EYS: variants seen among roughly 807,000 people sequenced by gnomAD.
EYS encodes the protein EGF-like photoreceptor maintenance factor.
EYS carries 250 observed loss-of-function variants against 282.1 expected under a neutral mutation model. The ratio of observed to expected loss-of-function variants is 0.89; its 90% CI spans 0.80 to 0.98. The LOEUF is 0.98. Among genes scored for constraint, EYS ranks in the 50% least tolerant of loss-of-function variants. The pLI, the probability that EYS is intolerant of heterozygous loss-of-function variation, is 0.00. For synonymous variants in EYS, 1,355 were observed against 1,282.9 expected (o/e 1.06, Z -1.20); for missense variants, 4,016 against 3,709.0 (o/e 1.08, Z -2.15).
At chr6:64,804,881 TA>T (rs1662282101) in intron 22 of EYS, among the ~76,000 whole-genome samples, 1 of 149,278 alleles carries the variant, frequency 6.7e-6, no homozygotes, top group African/African-American at 2.4e-5. Flanking sequence ...TATTAAAATG[TA>T]TCACATACAT....
chr6:63,859,086 T>TG (rs1234924374), intron 36 of EYS, among the ~76,000 whole-genome samples: 1 of 50,568 alleles, frequency 2.0e-5, no homozygotes, highest in Non-Finnish European at 4.9e-5. Context: ...TTTTTTTTTT[T>TG]TTTTTTTTTT....
chr6:65,044,735 G>C (rs543611932), intron 13 of EYS, among the ~76,000 whole-genome samples: 2 of 151,880 alleles, frequency 1.3e-5, no homozygotes, highest in South Asian at 2.1e-4. Flanking sequence ...TGCTTCCACT[G>C]GGGAAAATTG....
intron 28 of EYS, among the ~76,000 whole-genome samples, chr6:64,392,540 A>C (rs1398518964): frequency 6.6e-6 from 1 of 151,822 alleles, no homozygotes; most frequent in African/African-American, 2.4e-5. Context: ...GGGTACATAA[A>C]GAAATGAAGG....
intron 36 of EYS, among the ~76,000 whole-genome samples, chr6:63,832,963 A>G (rs1771688549): frequency 6.6e-6 from 1 of 152,128 alleles, no homozygotes; most frequent in Non-Finnish European, 1.5e-5. Context: ...CAAAGACAAA[A>G]ACCACATGAC....
chr6:65,696,455 T>C (rs1437667522), intron 1 of EYS, among the ~76,000 whole-genome samples: 1 of 152,010 alleles, frequency 6.6e-6, no homozygotes, highest in African/African-American at 2.4e-5. Flanking sequence ...AGTAAACTAT[T>C]TGTACATTTA....
intron 12 of EYS, among the ~76,000 whole-genome samples, chr6:65,072,213 G>A (rs896079165): frequency 2.6e-5 from 4 of 151,740 alleles, no homozygotes; most frequent in African/African-American, 7.3e-5. Flanking sequence ...GCTACATATT[G>A]GGGAGAAATT....
chr6:63,872,477 G>GT (rs3041455), intron 35 of EYS, among the ~76,000 whole-genome samples: 57,320 of 118,552 alleles, frequency 0.48, 16,147 homozygotes, highest in Non-Finnish European at 0.6. Flanking sequence ...CCTAAATATG[G>GT]TTTTTTTTTT....
chr6:64,097,657 T>G (rs1007871476), intron 31 of EYS, among the ~76,000 whole-genome samples: 3 of 152,144 alleles, frequency 2.0e-5, no homozygotes, highest in Admixed American at 6.5e-5. Context: ...CTGTCACCCC[T>G]TTCTTTGACT....
Position 64,997,598 on chromosome 6 carries a change from C to A in EYS, c.2243G>T (p.Cys748Phe). The A allele has an allele frequency of 6.4e-7, 1 of 1,551,030 alleles. No individual in the cohort carries two copies. Among genetic ancestry groups the A allele is most frequent in the Non-Finnish European group, 8.7e-7 (1 of 1,146,430 alleles). ...GATACTAACGAGATGCAGGTCTTTG[C>A]AGGTAGAATTGTGCTCACAGGCATT... is the stretch of plus-strand genomic sequence containing the variant. Reference protein sequence around the residue: ...ILNACEHNSTCKDLHLSYQCV... With the variant: ...ILNACEHNSTFKDLHLSYQCV... The change falls in exon 14 of 43, where the codon TGC (cysteine) becomes TTC (phenylalanine). Residue 748 changes from cysteine to phenylalanine, a missense_variant. Cys to Phe is a radical substitution (Grantham distance 205). Coordinates refer to ENST00000503581, the MANE Select transcript of EYS (RefSeq NM_001142800.2).
chr6:65,593,396 C>T (rs914303065), intron 2 of EYS, among the ~76,000 whole-genome samples: 5 of 152,092 alleles, frequency 3.3e-5, no homozygotes, highest in Non-Finnish European at 7.4e-5. Flanking sequence ...ATACTTCGGG[C>T]GAAACTGGTG....
intron 31 of EYS, among the ~76,000 whole-genome samples, chr6:64,196,660 C>T (rs895697581): frequency 7.3e-5 from 11 of 150,054 alleles, no homozygotes; most frequent in African/African-American, 2.0e-4. Flanking sequence ...AACCAAACAC[C>T]GCATGTTCTC....
rs538021110 is a variant in EYS, at chr6:65,106,336, T to C, written c.2024-48609A>G. Reference sequence around the variant, plus strand: ...TTTTCTTTACTTGTAACTGAGGCTATTTTAATTTCATGTAATGTGACATTA... The same window carrying C: ...TTTTCTTTACTTGTAACTGAGGCTACTTTAATTTCATGTAATGTGACATTA... On this transcript the variant is annotated intron_variant, in intron 12 of 42. Coordinates refer to ENST00000503581, the MANE Select transcript of EYS (RefSeq NM_001142800.2). Among the ~76,000 whole-genome samples, 18 of 152,050 alleles carry C rather than the reference T, an allele frequency of 1.2e-4. 1 individual carries two copies. Among genetic ancestry groups the C allele is most frequent in the Non-Finnish European group, 2.1e-4 (14 of 67,990 alleles).
At chr6:64,542,848 T>C (rs1285216120) in intron 26 of EYS, among the ~76,000 whole-genome samples, 2 of 152,148 alleles carry the variant, frequency 1.3e-5, no homozygotes, top group Non-Finnish European at 2.9e-5. Flanking sequence ...AGAGTGCTTC[T>C]ACTGTCACAT....
chr6:64,332,655 A>G (rs893946403), intron 29 of EYS, among the ~76,000 whole-genome samples: 2 of 152,146 alleles, frequency 1.3e-5, no homozygotes, highest in Non-Finnish European at 2.9e-5. Flanking sequence ...CCAAGCCACT[A>G]CTGACAAGGG....
intron 11 of EYS, chr6:65,330,899 C>T (rs1769773678): frequency 2.1e-6 from 2 of 973,396 alleles, no homozygotes; most frequent in Non-Finnish European, 2.4e-6. Context: ...TATTATGAGC[C>T]ATTTCCTCAA....
intron 36 of EYS, among the ~76,000 whole-genome samples, chr6:63,863,601 T>A (rs78559632): frequency 0.011 from 1,624 of 151,984 alleles, 23 homozygotes; most frequent in African/African-American, 0.038. Flanking sequence ...ATACATAGAT[T>A]TTCTGTACTC....
At chr6:64,786,425 A>T (rs1435661680) in intron 22 of EYS, among the ~76,000 whole-genome samples, 2 of 152,010 alleles carry the variant, frequency 1.3e-5, no homozygotes, top group Non-Finnish European at 2.9e-5. Context: ...CATGTCATTC[A>T]CCTAGCCCAC....
chr6:64,550,257 T>C lies in EYS; in HGVS notation c.5644+39966A>G, dbSNP rs201966831. ...AATCCTTTGGGTATATACCCAGTAATGGGATTGCTGGGTCAAATGGTATTT... is the reference window on the plus strand; with the variant it reads ...AATCCTTTGGGTATATACCCAGTAACGGGATTGCTGGGTCAAATGGTATTT... On this transcript the variant is annotated intron_variant, in intron 26 of 42. Transcript: ENST00000503581. Among the ~76,000 whole-genome samples, 46 of 152,314 alleles carry C rather than the reference T, an allele frequency of 3.0e-4. No homozygotes were observed. In the East Asian group the frequency reaches 7.5e-3, roughly 25 times the overall value.
intron 7 of EYS, among the ~76,000 whole-genome samples, chr6:65,397,388 A>G (rs1179069690): frequency 6.6e-6 from 1 of 151,872 alleles, no homozygotes; most frequent in Non-Finnish European, 1.5e-5. Context: ...CCCACCTTTT[A>G]GAGTCTCCAA....
Sources: gnomAD v4.1 joint callset for allele counts (sites outside exome capture counted in the v4.1 genomes callset) on GRCh38, gnomAD v4.1.1 for gene constraint, MANE v1.5 for transcripts, NCBI Gene and HGNC (gene_info 2026-07-23, HGNC 2026-07-21) for gene names.